The following PHACTR1 variants were observed in gnomAD, a reference collection of about 807,000 sequenced individuals.
The protein encoded by PHACTR1 is phosphatase and actin regulator 1, also known as RPEL repeat containing 1.
Under a neutral mutation model 69.2 loss-of-function variants are expected in PHACTR1, and 16 were observed. That is an observed-to-expected ratio of 0.23 (90% confidence interval 0.16 to 0.35). The LOEUF is 0.35. Ranked by LOEUF, PHACTR1 falls within the 10% of genes least tolerant of loss-of-function variation. The pLI is 1.00. For missense variants in PHACTR1, 510 were observed against 734.7 expected (o/e 0.69, Z 3.54); for synonymous variants, 312 against 284.5 (o/e 1.10, Z -0.97).
chr6:13,239,942 G>A (rs779559367), intron 10 of PHACTR1, among the ~76,000 whole-genome samples: 3 of 152,074 alleles, frequency 2.0e-5, no homozygotes, highest in Non-Finnish European at 2.9e-5. Context: ...CGGCTGCCCC[G>A]GCAGTCTGTA....
At chr6:13,137,003 C>T (rs1254919174) in intron 5 of PHACTR1, among the ~76,000 whole-genome samples, 1 of 152,080 alleles carries the variant, frequency 6.6e-6, no homozygotes, top group Non-Finnish European at 1.5e-5. Flanking sequence ...ACACAGAGAC[C>T]CAAAGTAAGC....
chr6:13,036,457 T>C (rs1803323641), intron 4 of PHACTR1, among the ~76,000 whole-genome samples: 1 of 152,200 alleles, frequency 6.6e-6, no homozygotes, highest in Non-Finnish European at 1.5e-5. Flanking sequence ...TAGGGGTCAT[T>C]ATCTTTTTAC....
At chr6:12,874,149 T>A (rs532531216) in intron 4 of PHACTR1, among the ~76,000 whole-genome samples, 24 of 152,368 alleles carry the variant, frequency 1.6e-4, no homozygotes, top group African/African-American at 4.8e-4. Context: ...CCTAAAGTTC[T>A]GAAATTCTAA....
intron 4 of PHACTR1, among the ~76,000 whole-genome samples, chr6:12,833,006 G>T (rs1192940670): frequency 6.6e-6 from 1 of 152,076 alleles, no homozygotes; most frequent in Non-Finnish European, 1.5e-5. Flanking sequence ...TCCAAATTTG[G>T]TGAGGTAGAT....
chr6:12,817,358 A>G (rs1412740), intron 4 of PHACTR1, among the ~76,000 whole-genome samples: 67,728 of 152,000 alleles, frequency 0.45, 15,906 homozygotes, highest in African/African-American at 0.56. Context: ...CAAAACCAAG[A>G]AAAGTTATAA....
chr6:13,226,683 T>C (rs1769771639), intron 8 of PHACTR1, among the ~76,000 whole-genome samples: 1 of 152,040 alleles, frequency 6.6e-6, no homozygotes, highest in African/African-American at 2.4e-5. Context: ...AAGAAAATAA[T>C]TATTTTATTT....
intron 5 of PHACTR1, among the ~76,000 whole-genome samples, chr6:13,093,815 G>A (rs1350641638): frequency 6.6e-6 from 1 of 152,222 alleles, no homozygotes; most frequent in Non-Finnish European, 1.5e-5. Flanking sequence ...AGATAGCCTT[G>A]AATGCTGGAC....
intron 6 of PHACTR1, among the ~76,000 whole-genome samples, chr6:13,173,987 G>A (rs764402288): frequency 3.9e-5 from 6 of 152,098 alleles, no homozygotes; most frequent in South Asian, 2.1e-4. Flanking sequence ...GATAACAAGC[G>A]TTTTCCATTG....
At chr6:12,802,933 C>T (rs1054329954) in intron 4 of PHACTR1, among the ~76,000 whole-genome samples, 2 of 152,146 alleles carry the variant, frequency 1.3e-5, no homozygotes, top group Non-Finnish European at 2.9e-5. Flanking sequence ...ATTCCTTACT[C>T]TTGAATGACA....
chr6:12,775,157 A>G (rs543462834), intron 4 of PHACTR1, among the ~76,000 whole-genome samples: 6 of 147,466 alleles, frequency 4.1e-5, no homozygotes, highest in African/African-American at 1.3e-4. Context: ...TTTTTGACAC[A>G]TTAATTTATC....
At chr6:12,771,120 A>G (rs2127626604) in intron 4 of PHACTR1, among the ~76,000 whole-genome samples, 1 of 152,374 alleles carries the variant, frequency 6.6e-6, no homozygotes, top group Admixed American at 6.5e-5. Flanking sequence ...GGATCAGAGC[A>G]GCCCGAAACT....
chr6:12,922,439 G>A (rs1279393544), intron 4 of PHACTR1, among the ~76,000 whole-genome samples: 1 of 152,162 alleles, frequency 6.6e-6, no homozygotes, highest in Non-Finnish European at 1.5e-5. Flanking sequence ...TAAAGCAAGG[G>A]CATGTGAGTT....
At chr6:13,082,285 A>C (rs886760440) in intron 5 of PHACTR1, among the ~76,000 whole-genome samples, 4 of 152,168 alleles carry the variant, frequency 2.6e-5, no homozygotes, top group Non-Finnish European at 4.4e-5. Context: ...TAAAGTCAAC[A>C]CACTGGAGAT....
chr6:12,973,481 G>A (rs1334978387), intron 4 of PHACTR1, among the ~76,000 whole-genome samples: 1 of 152,150 alleles, frequency 6.6e-6, no homozygotes, highest in African/African-American at 2.4e-5. Context: ...AAAGGAATGT[G>A]GAAATGTGGA....
chr6:13,001,876 C>A (rs544953573), intron 4 of PHACTR1, among the ~76,000 whole-genome samples: 1 of 152,320 alleles, frequency 6.6e-6, no homozygotes, highest in Non-Finnish European at 1.5e-5. Flanking sequence ...AAGTTTCAGT[C>A]TGGGTGACTG....
At chr6:13,180,430 C>A (rs1762033884) in intron 6 of PHACTR1, among the ~76,000 whole-genome samples, 1 of 152,150 alleles carries the variant, frequency 6.6e-6, no homozygotes, top group Non-Finnish European at 1.5e-5. Flanking sequence ...TTCTCTGTTA[C>A]CAGCCAAGCC....
At chr6:12,868,252 T>C (rs971825752) in intron 4 of PHACTR1, among the ~76,000 whole-genome samples, 7 of 96,516 alleles carry the variant, frequency 7.3e-5, no homozygotes, top group African/African-American at 2.8e-4. Context: ...CGAGACTCTA[T>C]CTCAAAAAGA....
intron 4 of PHACTR1, among the ~76,000 whole-genome samples, chr6:12,916,641 C>A (rs533479747): frequency 6.6e-6 from 1 of 151,458 alleles, no homozygotes; most frequent in African/African-American, 2.4e-5. Context: ...ATGAAAAGAG[C>A]ACCAGCAGCC....
chr6:13,004,288 T>C (rs1798513810), intron 4 of PHACTR1, among the ~76,000 whole-genome samples: 1 of 151,944 alleles, frequency 6.6e-6, no homozygotes, highest in South Asian at 2.1e-4. Context: ...ATCTGTTAAT[T>C]TTTTTACTTT....
Sources: allele counts gnomAD v4.1 joint callset (sites outside exome capture counted in the v4.1 genomes callset), GRCh38; gene constraint gnomAD v4.1.1; transcripts MANE v1.5; gene names NCBI Gene and HGNC (gene_info 2026-07-23, HGNC 2026-07-21).